Variants in CHD7 observed in about 807,000 individuals in gnomAD.
CHD7 encodes the protein chromodomain helicase DNA binding protein 7, also known as ATP-dependent chromatin remodeler CHD7.
CHD7 carries 24 observed loss-of-function variants against 307.3 expected under a neutral mutation model. The observed-to-expected ratio is 0.08, with a 90% CI of 0.06 to 0.11. The LOEUF (loss-of-function observed/expected upper bound fraction) is 0.11. CHD7 is among the 10% of genes least tolerant of loss of function. The pLI is 1.00. For synonymous variants in CHD7, 1,363 were observed against 1,349.9 expected, an observed-to-expected ratio of 1.01 and a Z score of -0.21; for missense variants, 3,106 against 3,727.1, an observed-to-expected ratio of 0.83 and a Z score of 4.34.
At position 60,854,445 on chromosome 8, in the gene CHD7, A is replaced by T; in HGVS notation, c.6858A>T (p.Gly2286=). ...MSTARDETRD[G]FYMEDGDPSV... ...CTGCTAGAGATGAAACCCGAGATGG[A>T]TTCTACATGGAGGACGGAGATCCTT... Residue 2286 remains glycine, a synonymous_variant, in exon 32 of 38, where the codon GGA becomes GGT. Coordinates refer to ENST00000423902, the MANE Select transcript of CHD7 (RefSeq NM_017780.4). The T allele has an allele frequency of 6.2e-7, 1 of 1,613,736 alleles. No homozygotes were observed. The highest frequency in any genetic ancestry group is 8.5e-7 in the Non-Finnish European group (1 of 1,179,690).
chr8:60,706,511 A>G (rs1207478610), intron 1 of CHD7, among the ~76,000 whole-genome samples: 1 of 152,190 alleles, frequency 6.6e-6, no homozygotes, highest in African/African-American at 2.4e-5. Flanking sequence ...ATACTAGACT[A>G]CTTGTTATAT....
In CHD7 at chr8:60,745,305, A is replaced by G. The variant is rs558648094; in HGVS notation, c.1665+2208A>G. On this transcript the variant is annotated intron_variant, in intron 2 of 37. Transcript: ENST00000423902. ...TCTGTCTTCACCGGAGGGTGAGCAC[A>G]GTTTGGAAGACACCCTGTGATTATA... Among the ~76,000 whole-genome samples, 159 of 152,338 alleles carry G rather than the reference A, an allele frequency of 1.0e-3. 1 individual carries two copies. The highest frequency in any genetic ancestry group is 1.7e-3 in the Non-Finnish European group (119 of 68,040).
chr8:60,845,800 C>T (rs1805185767), intron 23 of CHD7, among the ~76,000 whole-genome samples: 1 of 152,222 alleles, frequency 6.6e-6, no homozygotes, highest in Admixed American at 6.5e-5. Flanking sequence ...TAATTACACT[C>T]ACAATGCTGT....
chr8:60,839,166 C>T (rs1446587925), intron 19 of CHD7, among the ~76,000 whole-genome samples: 1 of 152,198 alleles, frequency 6.6e-6, no homozygotes, highest in Non-Finnish European at 1.5e-5. Context: ...GGACAGTGGA[C>T]AGTTCATATA....
intron 21 of CHD7, among the ~76,000 whole-genome samples, chr8:60,844,034 A>G (rs991542860): frequency 6.6e-6 from 1 of 152,204 alleles, no homozygotes; most frequent in Non-Finnish European, 1.5e-5. Context: ...TGTTCATACC[A>G]TGAGCACTGC....
rs772068984 is a variant in CHD7, at chr8:60,862,169, T to A, written c.7831-27T>A. On this transcript the variant is annotated intron_variant, in intron 35 of 37. Transcript: ENST00000423902. ...GAAGAATAAGTACTAAATACCAATT[T>A]TACTAAATATGTTTTTTCTTTTGCA... The A allele has an allele frequency of 1.9e-6, 3 of 1,579,436 alleles. No homozygotes were observed. The South Asian group carries it at 3.5e-5, about 18-fold the overall frequency.
At chr8:60,776,505 C>G (rs868630172) in intron 2 of CHD7, among the ~76,000 whole-genome samples, 8 of 152,314 alleles carry the variant, frequency 5.3e-5, no homozygotes, top group African/African-American at 1.4e-4. Flanking sequence ...CAAGCTGGTT[C>G]CTCTGCCTCC....
chr8:60,794,849 G>A (rs1811941535), intron 3 of CHD7, 137 bp from the exon 4 acceptor site: 1 of 704,730 alleles, frequency 1.4e-6, no homozygotes, highest in Admixed American at 3.3e-5. Flanking sequence ...ATTGGGAGTT[G>A]CATTTAACTG....
chr8:60,805,530 A>G (rs1812496443), intron 6 of CHD7, among the ~76,000 whole-genome samples: 1 of 152,200 alleles, frequency 6.6e-6, no homozygotes, highest in Non-Finnish European at 1.5e-5. Context: ...GCAGGTTCCC[A>G]GAGGAATAGC....
intron 1 of CHD7, among the ~76,000 whole-genome samples, chr8:60,681,358 T>A (rs938523576): frequency 1.3e-5 from 2 of 152,184 alleles, no homozygotes; most frequent in Non-Finnish European, 2.9e-5. Flanking sequence ...ACAGAAGCCC[T>A]CCAGTCTTTA....
At chr8:60,834,976 G>A (rs774428045) in intron 15 of CHD7, among the ~76,000 whole-genome samples, 1 of 152,146 alleles carries the variant, frequency 6.6e-6, no homozygotes, top group Non-Finnish European at 1.5e-5. Context: ...AAAAACCAGT[G>A]GTAGGAAGGT....
intron 34 of CHD7, 51 bp from the exon 35 acceptor site, chr8:60,860,853 C>A: frequency 7.3e-7 from 1 of 1,363,300 alleles, no homozygotes; most frequent in South Asian, 1.3e-5. Flanking sequence ...AGGACATTGT[C>A]AGAGGCTCTC....
intron 2 of CHD7, among the ~76,000 whole-genome samples, chr8:60,746,179 G>A (rs1336916760): frequency 2.0e-5 from 3 of 152,080 alleles, no homozygotes; most frequent in African/African-American, 7.2e-5. Flanking sequence ...GACTACAGGC[G>A]CGCACCACCG....
rs763024481 is a variant in CHD7 at position 60,781,008 on chromosome 8, G to C, written c.1674G>C (p.Pro558=). The change falls in exon 3 of 38, where the codon CCG becomes CCC. Residue 558 remains proline (P), a synonymous_variant. Coordinates refer to ENST00000423902, the MANE Select transcript of CHD7 (RefSeq NM_017780.4). ...PQKVPVHQHS[P]SEPFLEKPVP... ...CTATTTGTGTCTCTCAGCATTCCCC[G>C]TCGGAGCCCTTTCTAGAGAAACCAG... 8 of 1,555,802 alleles carry C rather than the reference G, an allele frequency of 5.1e-6. No homozygotes were observed. Among genetic ancestry groups the C allele is most frequent in the Non-Finnish European group, 6.9e-6 (8 of 1,156,392 alleles).
chr8:60,699,162 A>G (rs1167476021), intron 1 of CHD7, among the ~76,000 whole-genome samples: 1 of 152,256 alleles, frequency 6.6e-6, no homozygotes, highest in Non-Finnish European at 1.5e-5. Context: ...TTGTGAAAGT[A>G]TGATTGTGGC....
At chr8:60,841,105 T>C (rs1804950793) in intron 19 of CHD7, among the ~76,000 whole-genome samples, 1 of 152,212 alleles carries the variant, frequency 6.6e-6, no homozygotes, top group Admixed American at 6.5e-5. Flanking sequence ...TAGTTCCTGG[T>C]TCCTTCGGGA....
intron 23 of CHD7, among the ~76,000 whole-genome samples, chr8:60,848,103 T>TA (rs1392283834): frequency 6.6e-6 from 1 of 152,220 alleles, no homozygotes; most frequent in African/African-American, 2.4e-5. Flanking sequence ...AAAATGGTAT[T>TA]AAGGCAGCAG....
At chr8:60,853,912 A>G (rs550263017) in intron 31 of CHD7, among the ~76,000 whole-genome samples, 2 of 152,348 alleles carry the variant, frequency 1.3e-5, no homozygotes, top group South Asian at 4.1e-4. Context: ...AAAGAGTGGG[A>G]ATAGAATCTA....
In CHD7 at chr8:60,862,209, T is replaced by G; in HGVS notation, c.7844T>G (p.Val2615Gly). ...TTTCTTTTGCAGAAGAATGCAGATGTGCTGTTTTCCTCATTTCAGAAACCG... is the reference window on the plus strand; with the variant it reads ...TTTCTTTTGCAGAAGAATGCAGATGGGCTGTTTTCCTCATTTCAGAAACCG... The part of the protein sequence containing the change: ...MPSYVPKNAD[V>G]LFSSFQKPKQ... Residue 2615 changes from valine to glycine, a missense_variant, in exon 36 of 38, where the codon GTG becomes GGG. Around this residue, in one of 10 missense-constraint regions of CHD7, gnomAD observed 1,030 missense variants for 1,165.4 expected, o/e 0.88. Coordinates refer to ENST00000423902, the MANE Select transcript of CHD7 (RefSeq NM_017780.4). The G allele has an allele frequency of 6.2e-7, 1 of 1,610,076 alleles. No individual in the cohort carries two copies. The highest frequency in any genetic ancestry group is 8.5e-7 in the Non-Finnish European group (1 of 1,177,906).
Sources: gnomAD v4.1 joint callset for allele counts (sites outside exome capture counted in the v4.1 genomes callset) on GRCh38, gnomAD v4.1.1 for gene constraint, gnomAD v4.1.1 regional missense constraint, MANE v1.5 for transcripts, NCBI Gene and HGNC (gene_info 2026-07-23, HGNC 2026-07-21) for gene names.